The following CTNNA2 variants were observed in gnomAD, a reference collection of about 807,000 sequenced individuals.
The protein encoded by CTNNA2 is catenin alpha 2.
In CTNNA2, 42 loss-of-function variants were observed where a neutral mutation model predicts 101.0. The observed-to-expected ratio is 0.42, with a 90% CI of 0.32 to 0.54. The LOEUF is 0.54. CTNNA2 is among the 20% of genes least tolerant of loss of function. The pLI, the probability that CTNNA2 is intolerant of heterozygous loss-of-function variation, is 0.14. For synonymous variants in CTNNA2, 450 were observed against 456.4 expected, an observed-to-expected ratio of 0.99 and a Z score of 0.18; for missense variants, 871 against 1,223.1, an observed-to-expected ratio of 0.71 and a Z score of 4.29.
chr2:80,018,739 C>A (rs1288821489), intron 7 of CTNNA2, among the ~76,000 whole-genome samples: 1 of 150,600 alleles, frequency 6.6e-6, no homozygotes, highest in Non-Finnish European at 1.5e-5. Context: ...TAAGATCGTG[C>A]CACTGCACTC....
intron 3 of CTNNA2, among the ~76,000 whole-genome samples, chr2:79,784,913 T>G (rs995806654): frequency 6.6e-6 from 1 of 152,124 alleles, no homozygotes; most frequent in Non-Finnish European, 1.5e-5. Flanking sequence ...AGGTTGCCCG[T>G]GAAGCTTAGT....
At position 80,647,584 on chromosome 2, in the gene CTNNA2, G is replaced by A; in HGVS notation, c.2575-1G>A. Reference sequence around the variant, plus strand: ...TGTATCTCATTCTTTTCCTACTCTAGCTGGACAGTGCCACATCGCTTATCC... The same window carrying A: ...TGTATCTCATTCTTTTCCTACTCTAACTGGACAGTGCCACATCGCTTATCC... On this transcript the variant is annotated splice_acceptor_variant, in intron 18 of 18. Coordinates refer to ENST00000402739, the MANE Select transcript of CTNNA2 (RefSeq NM_001282597.3). LOFTEE classifies it high-confidence loss of function. The A allele has an allele frequency of 6.2e-7, 1 of 1,605,264 alleles. No individual in the cohort carries two copies. The highest frequency in any genetic ancestry group is 8.5e-7 in the Non-Finnish European group (1 of 1,174,692).
intron 9 of CTNNA2, among the ~76,000 whole-genome samples, chr2:80,449,812 T>C (rs1371079458): frequency 6.6e-6 from 1 of 152,164 alleles, no homozygotes; most frequent in African/African-American, 2.4e-5. Flanking sequence ...ATGTGCTTGG[T>C]GTGTAGCCAA....
intron 7 of CTNNA2, among the ~76,000 whole-genome samples, chr2:80,043,490 G>A (rs1020064878): frequency 6.6e-6 from 1 of 152,062 alleles, no homozygotes; most frequent in African/African-American, 2.4e-5. Flanking sequence ...GAGCCACTGC[G>A]CCCTGCCCCT....
chr2:79,408,290 TTTATTATTATTA>T (rs67079601), intron 4 of CTNNA2, among the ~76,000 whole-genome samples: 13 of 147,766 alleles, frequency 8.8e-5, no homozygotes, highest in Non-Finnish European at 1.8e-4. Context: ...AAAGAATAAA[TTTATTATTATTA>T]TTATTATTAT....
chr2:80,249,605 G>A (rs1671598974), intron 7 of CTNNA2, among the ~76,000 whole-genome samples: 2 of 152,206 alleles, frequency 1.3e-5, no homozygotes, highest in African/African-American at 2.4e-5. Flanking sequence ...TTGAGGCACA[G>A]TGGGTTTGAT....
intron 7 of CTNNA2, among the ~76,000 whole-genome samples, chr2:80,232,175 C>T (rs771739531): frequency 1.5e-4 from 23 of 152,140 alleles, no homozygotes; most frequent in Middle Eastern, 3.4e-3. Context: ...TGATTAACAT[C>T]GTAAGTCTCT....
chr2:80,461,632 A>G (rs1684433197), intron 9 of CTNNA2, among the ~76,000 whole-genome samples: 1 of 152,038 alleles, frequency 6.6e-6, no homozygotes, highest in Non-Finnish European at 1.5e-5. Flanking sequence ...ATGTCCTTAT[A>G]CTGTTATGTT....
chr2:79,875,903 T>C (rs1682988316), intron 6 of CTNNA2, among the ~76,000 whole-genome samples: 1 of 152,090 alleles, frequency 6.6e-6, no homozygotes, highest in Non-Finnish European at 1.5e-5. Flanking sequence ...TATACAAAAA[T>C]CTCTAGATTT....
At chr2:80,349,811 A>G (rs775098530) in intron 7 of CTNNA2, among the ~76,000 whole-genome samples, 14 of 152,150 alleles carry the variant, frequency 9.2e-5, no homozygotes, top group Non-Finnish European at 1.0e-4. Flanking sequence ...GAGCCACCAT[A>G]CTGGGCTCTC....
intron 2 of CTNNA2, among the ~76,000 whole-genome samples, chr2:79,260,805 C>G (rs942319125): frequency 1.3e-5 from 2 of 152,140 alleles, no homozygotes; most frequent in African/African-American, 4.8e-5. Flanking sequence ...CTGAGTCCCA[C>G]CACGGTCACA....
chr2:80,225,013 CTG>C (rs1329822868), intron 7 of CTNNA2, among the ~76,000 whole-genome samples: 1 of 152,140 alleles, frequency 6.6e-6, no homozygotes, highest in African/African-American at 2.4e-5. Context: ...CTGCACCAGC[CTG>C]GTCACTATCA....
intron 2 of CTNNA2, among the ~76,000 whole-genome samples, chr2:79,673,226 G>A (rs1682964484): frequency 1.3e-5 from 2 of 151,788 alleles, no homozygotes; most frequent in Admixed American, 1.3e-4. Context: ...TGTGTGTGCC[G>A]TGATTGGTTG....
chr2:79,456,687 T>C (rs182944846), intron 4 of CTNNA2, among the ~76,000 whole-genome samples: 2 of 152,320 alleles, frequency 1.3e-5, no homozygotes, highest in East Asian at 3.9e-4. Context: ...AAAGATTTTT[T>C]TCCTACTCTT....
At chr2:80,337,652 G>T (rs1279347116) in intron 7 of CTNNA2, among the ~76,000 whole-genome samples, 1 of 151,996 alleles carries the variant, frequency 6.6e-6, no homozygotes, top group Non-Finnish European at 1.5e-5. Flanking sequence ...TTGTACCAAG[G>T]AGCCAAAAAC....
At chr2:79,514,235 T>G (rs1179608539) in intron 1 of CTNNA2, among the ~76,000 whole-genome samples, 3 of 152,212 alleles carry the variant, frequency 2.0e-5, no homozygotes, top group Non-Finnish European at 4.4e-5. Flanking sequence ...ATGGGTTAAC[T>G]TCTCAAGTAG....
chr2:80,342,617 A>G (rs1672342789), intron 7 of CTNNA2, among the ~76,000 whole-genome samples: 2 of 152,252 alleles, frequency 1.3e-5, no homozygotes, highest in Non-Finnish European at 2.9e-5. Flanking sequence ...CACTGAAATA[A>G]TCAACTGCCA....
intron 2 of CTNNA2, among the ~76,000 whole-genome samples, chr2:79,285,157 A>C (rs2104352288): frequency 6.6e-6 from 1 of 151,746 alleles, no homozygotes; most frequent in South Asian, 2.1e-4. Context: ...TTTCTTTATT[A>C]GTCTTGCTAG....
At chr2:79,583,622 A>G (rs1676284727) in intron 1 of CTNNA2, among the ~76,000 whole-genome samples, 1 of 152,096 alleles carries the variant, frequency 6.6e-6, no homozygotes, top group Non-Finnish European at 1.5e-5. Context: ...CAGGGTGGCT[A>G]TGTCATTTTG....
Sources: allele counts gnomAD v4.1 joint callset (sites outside exome capture counted in the v4.1 genomes callset), GRCh38; gene constraint gnomAD v4.1.1; transcripts MANE v1.5; gene names NCBI Gene and HGNC (gene_info 2026-07-23, HGNC 2026-07-21).